MX2: variants seen among roughly 807,000 people sequenced by gnomAD.
MX2 encodes interferon-induced GTP-binding protein Mx2.
MX2 carries 51 observed loss-of-function variants against 74.0 expected under a neutral mutation model. The observed-to-expected ratio is 0.69, with a 90% CI of 0.55 to 0.87. MX2 has a LOEUF of 0.87. Ranked by LOEUF, MX2 falls within the 40% of genes least tolerant of loss-of-function variation. The pLI is 0.00. For synonymous variants in MX2, 369 were observed against 339.3 expected, an observed-to-expected ratio of 1.09 and a Z score of -0.96; for missense variants, 832 against 908.7, an observed-to-expected ratio of 0.92 and a Z score of 1.09.
intron 9 of MX2, 47 bp from the exon 10 acceptor site, chr21:41,399,149 C>T: frequency 6.2e-7 from 1 of 1,604,910 alleles, no homozygotes; most frequent in Non-Finnish European, 8.5e-7. Flanking sequence ...GGTCCCAGTT[C>T]TTTCATATGA....
chr21:41,408,205 G>A lies in MX2; in HGVS notation c.2120G>A (p.Cys707Tyr), dbSNP rs768545100. ...CTCACTCAGGCGCGACACGCACTCT[G>A]TCAATTCTCCAGCAAAGAGATCCAC... ...YRLTQARHAL[C>Y]QFSSKEIH Residue 707 changes from cysteine to tyrosine, a missense_variant, in exon 14 of 14, where the codon TGT becomes TAT. Physicochemically the swap from Cys to Tyr is radical, Grantham distance 194 (BLOSUM62 -2). Transcript: ENST00000330714. The A allele has an allele frequency of 6.2e-7, 1 of 1,614,198 alleles. No homozygotes were observed.
intron 4 of MX2, among the ~76,000 whole-genome samples, chr21:41,381,610 G>A (rs189990041): frequency 1.9e-3 from 267 of 143,876 alleles, no homozygotes; most frequent in Non-Finnish European, 2.8e-3. Context: ...GCATGAACCC[G>A]AAAGGCAGAG....
At chr21:41,401,866 G>A in intron 10 of MX2, 104 bp from the exon 11 acceptor site, 1 of 1,245,078 alleles carries the variant, frequency 8.0e-7, no homozygotes, top group Non-Finnish European at 1.1e-6. Context: ...TTGCAACATT[G>A]CCTCTGCGTA....
chr21:41,401,095 A>C (rs1159994377), intron 10 of MX2: 1 of 152,018 alleles, frequency 6.6e-6, no homozygotes, highest in Non-Finnish European at 1.5e-5. Flanking sequence ...TGACCTAATC[A>C]CCTCCCACCA....
chr21:41,378,647 C>T (rs1368767706), intron 3 of MX2, among the ~76,000 whole-genome samples: 3 of 152,168 alleles, frequency 2.0e-5, no homozygotes, highest in Non-Finnish European at 2.9e-5. Context: ...AGCTGTTGTA[C>T]ATTCATAATT....
In MX2 at chr21:41,399,032, G is replaced by A. The variant is rs201884693; in HGVS notation, c.1272+13G>A. ...CTTTCTAATTGAGGTGAGGATTTCC[G>A]CAGGACTCCACGTGACACTGCATCC... On this transcript the variant is annotated intron_variant, in intron 9 of 13. Coordinates refer to ENST00000330714, the MANE Select transcript of MX2 (RefSeq NM_002463.2). 3.4e-4 allele frequency: 552 copies of A among 1,610,930 alleles called. 6 individuals are homozygous for A. The South Asian group carries it at 5.0e-3, about 15-fold the overall frequency.
In MX2 at chr21:41,390,656, C is replaced by G; in HGVS notation, c.824C>G (p.Ala275Gly). ...AACGTGGACATTGCCACCACGGAGG[C>G]GCTGAGCATGGCCCATGAGGTGGAC... ...PCNVDIATTEALSMAHEVDPE... is the reference protein window; with the variant it reads ...PCNVDIATTEGLSMAHEVDPE... Residue 275 changes from alanine to glycine, a missense_variant, in exon 6 of 14, where the codon GCG becomes GGG. Ala to Gly is a moderately conservative substitution (Grantham distance 60). Coordinates refer to ENST00000330714, the MANE Select transcript of MX2 (RefSeq NM_002463.2). 6.2e-7 allele frequency: 1 copy of G among 1,614,132 alleles called. No individual in the cohort carries two copies.
Position 41,377,871 on chromosome 21 carries a change from G to T in MX2, c.332G>T (p.Gly111Val). Reference protein sequence around the residue: ...IDLIDSLRALGVEQDLALPAI... With the variant: ...IDLIDSLRALVVEQDLALPAI... ...CTCATCGACTCCCTGCGGGCTCTGG[G>T]TGTGGAGCAGGACCTGGCCCTGCCA... The change falls in exon 3 of 14, where the codon GGT (glycine) becomes GTT (valine). Residue 111 changes from glycine (G) to valine (V), a missense_variant. By Grantham distance (109) the Gly-to-Val change is moderately radical. Coordinates refer to ENST00000330714, the MANE Select transcript of MX2 (RefSeq NM_002463.2). 2.5e-6 allele frequency: 4 copies of T among 1,614,248 alleles called. No homozygotes were observed. Among genetic ancestry groups the T allele is most frequent in the Non-Finnish European group, 3.4e-6 (4 of 1,180,052 alleles).
intron 7 of MX2, among the ~76,000 whole-genome samples, chr21:41,396,512 G>A (rs1378468420): frequency 3.3e-5 from 5 of 151,970 alleles, no homozygotes; most frequent in African/African-American, 7.3e-5. Flanking sequence ...GTAGGTCTAC[G>A]GCTTGCTGAC....
intron 5 of MX2, among the ~76,000 whole-genome samples, chr21:41,386,784 G>A (rs1405668417): frequency 6.6e-6 from 1 of 152,180 alleles, no homozygotes; most frequent in African/African-American, 2.4e-5. Flanking sequence ...CCTCCTCCAT[G>A]TTCCTGGAAC....
chr21:41,365,571 G>C (rs1431129894), intron 1 of MX2: 2 of 152,124 alleles, frequency 1.3e-5, no homozygotes, highest in Non-Finnish European at 2.9e-5. Context: ...CATTCTTTTT[G>C]ATGGTTGCAT....
chr21:41,378,144 AGAGACAGGCCGCTGG>A (rs1458111313), intron 3 of MX2, among the ~76,000 whole-genome samples, 163 bp downstream of exon 3: 1 of 148,478 alleles, frequency 6.7e-6, no homozygotes, highest in Admixed American at 6.7e-5. Context: ...GGCCACTGGG[AGAGACAGGCCGCTGG>A]GAGACAGGCC....
intron 1 of MX2, among the ~76,000 whole-genome samples, chr21:41,373,197 A>G (rs552217481): frequency 7.3e-5 from 11 of 151,306 alleles, no homozygotes; most frequent in Non-Finnish European, 1.2e-4. Flanking sequence ...CAGGCACTCA[A>G]TGAATGTTTA....
chr21:41,401,820 C>T, intron 10 of MX2, 150 bp from the exon 11 acceptor site: 1 of 740,660 alleles, frequency 1.4e-6, no homozygotes, highest in Non-Finnish European at 2.1e-6. Context: ...GTTATTAGAC[C>T]ATGAATATTT....
At chr21:41,392,875 C>G (rs897739174) in intron 6 of MX2, among the ~76,000 whole-genome samples, 1 of 151,948 alleles carries the variant, frequency 6.6e-6, no homozygotes, top group African/African-American at 2.4e-5. Flanking sequence ...GGGGCCAAGG[C>G]GGGCGGATCA....
chr21:41,376,388 C>A lies in MX2; in HGVS notation c.-71-448C>A, dbSNP rs192799058. On this transcript the variant is annotated intron_variant, in intron 1 of 13. Transcript: ENST00000330714. ...CATCTCTATAAAAAATACACACACA[C>A]AAAAAAAACTAGCTGGGCATGGTGG... 4.7e-3 allele frequency among the ~76,000 whole-genome samples: 701 copies of A among 147,642 alleles called. 2 individuals are homozygous for A. The highest frequency in any genetic ancestry group is 0.011 in the Admixed American group (153 of 14,510).
rs532446898 is a variant in MX2 at position 41,385,071 on chromosome 21, C to G, written c.732+2507C>G. 2.0e-5 allele frequency among the ~76,000 whole-genome samples: 3 copies of G among 152,262 alleles called. No homozygotes were observed. The South Asian group carries it at 6.2e-4, about 32-fold the overall frequency. On this transcript the variant is annotated intron_variant, in intron 5 of 13. Coordinates refer to ENST00000330714, the MANE Select transcript of MX2 (RefSeq NM_002463.2). ...TGAGTGTGAGTGTGTGTCTCCTTAC[C>G]TGTCTCACTGTCTTATCATCCATGT... is the stretch of plus-strand genomic sequence containing the variant.
chr21:41,392,204 G>A (rs1045439819), intron 6 of MX2, among the ~76,000 whole-genome samples: 3 of 152,216 alleles, frequency 2.0e-5, no homozygotes, highest in Admixed American at 6.5e-5. Context: ...CTAGGCTTAA[G>A]AGAAACAGAC....
Position 41,390,627 on chromosome 21 carries a change from C to T in MX2, c.795C>T (p.Pro265=). The T allele has an allele frequency of 6.2e-7, 1 of 1,614,180 alleles. No individual in the cohort carries two copies. Among genetic ancestry groups the T allele is most frequent in the South Asian group, 1.1e-5 (1 of 91,080 alleles). ...AGACGATCAACTTGGTGGTGGTTCCCTGTAACGTGGACATTGCCACCACGG... is the reference window on the plus strand; with the variant it reads ...AGACGATCAACTTGGTGGTGGTTCCTTGTAACGTGGACATTGCCACCACGG... The part of the protein sequence containing the change: ...RQQTINLVVV[P]CNVDIATTEA... Residue 265 remains proline, a synonymous_variant, in exon 6 of 14, where the codon CCC becomes CCT. Coordinates refer to ENST00000330714, the MANE Select transcript of MX2 (RefSeq NM_002463.2).
Sources: allele counts gnomAD v4.1 joint callset (sites outside exome capture counted in the v4.1 genomes callset), GRCh38; gene constraint gnomAD v4.1.1; transcripts MANE v1.5; gene names NCBI Gene and HGNC (gene_info 2026-07-23, HGNC 2026-07-21).